The following FIG4 variants were observed in gnomAD, a reference collection of about 807,000 sequenced individuals.
FIG4 encodes polyphosphoinositide phosphatase.
Under a neutral mutation model 118.6 loss-of-function variants are expected in FIG4, and 112 were observed. That is an observed-to-expected ratio of 0.94 (90% CI 0.81 to 1.11). The LOEUF is 1.11. Ranked by LOEUF, FIG4 falls within the 50% of genes least tolerant of loss-of-function variation. The pLI is 0.00. For synonymous variants in FIG4, 369 were observed against 381.2 expected (o/e 0.97, Z 0.37); for missense variants, 969 against 1,111.7 (o/e 0.87, Z 1.83).
intron 19 of FIG4, among the ~76,000 whole-genome samples, chr6:109,790,311 A>C (rs1778102892): frequency 6.6e-6 from 1 of 152,200 alleles, no homozygotes; most frequent in Non-Finnish European, 1.5e-5. Context: ...TATTCTAGCT[A>C]TGTGTGATTT....
chr6:109,781,770 C>T (rs547606627), intron 16 of FIG4, among the ~76,000 whole-genome samples: 1 of 53,314 alleles, frequency 1.9e-5, no homozygotes, highest in South Asian at 4.1e-4. Context: ...TTTATAGTTT[C>T]TTCAGATTTA....
chr6:109,814,025 CA>C (rs1211654037), intron 22 of FIG4, among the ~76,000 whole-genome samples: 1 of 152,214 alleles, frequency 6.6e-6, no homozygotes, highest in African/African-American at 2.4e-5. Context: ...GAAACTGTGA[CA>C]TAATAAATGT....
At chr6:109,815,948 T>C (rs541895168) in intron 22 of FIG4, among the ~76,000 whole-genome samples, 1 of 152,294 alleles carries the variant, frequency 6.6e-6, no homozygotes, top group East Asian at 1.9e-4. Context: ...TTAATAATAC[T>C]AACAGATTAT....
chr6:109,711,730 G>C (rs1168694921), intron 1 of FIG4, among the ~76,000 whole-genome samples: 1 of 152,114 alleles, frequency 6.6e-6, no homozygotes, highest in Admixed American at 6.6e-5. Context: ...GTTTGCCACT[G>C]TGTGCCTTTT....
rs1775386908 is a variant in FIG4 at position 109,715,080 on chromosome 6, A to G, written c.69A>G (p.Arg23=). 1.3e-6 allele frequency: 2 copies of G among 1,546,202 alleles called. No homozygotes were observed. Among genetic ancestry groups the G allele is most frequent in the African/African-American group, 1.4e-5 (1 of 73,798 alleles). ...ATGACATTCCTTTTTATTTATAGAG[A>G]TACTTTCTAGTTGGGAGCAATAATG... ...QKLVLYETRA[R]YFLVGSNNAE... The change falls in exon 2 of 23, where the codon AGA becomes AGG. Residue 23 remains arginine, a splice_region_variant and synonymous_variant. Transcript: ENST00000230124.
At chr6:109,819,626 G>A (rs1245899527) in intron 22 of FIG4, among the ~76,000 whole-genome samples, 2 of 152,002 alleles carry the variant, frequency 1.3e-5, no homozygotes, top group South Asian at 2.1e-4. Flanking sequence ...CCGCCACCAC[G>A]AGCTGCTATT....
At chr6:109,758,388 G>A (rs1583692632) in intron 10 of FIG4, among the ~76,000 whole-genome samples, 1 of 151,678 alleles carries the variant, frequency 6.6e-6, no homozygotes. Flanking sequence ...ATGGTGCTGG[G>A]AAAACTGGCT....
chr6:109,760,647 C>CT (rs888293543), intron 11 of FIG4, among the ~76,000 whole-genome samples: 5 of 152,054 alleles, frequency 3.3e-5, no homozygotes, highest in Non-Finnish European at 5.9e-5. Context: ...ATTAGTTTTG[C>CT]TTTTTTCTAT....
At chr6:109,770,346 C>CGT (rs140928178) in intron 15 of FIG4, among the ~76,000 whole-genome samples, 1,999 of 151,274 alleles carry the variant, frequency 0.013, 21 homozygotes, top group Non-Finnish European at 0.023. Context: ...GCTGTATATA[C>CGT]GTGTGTGTGT....
intron 10 of FIG4, among the ~76,000 whole-genome samples, chr6:109,759,087 C>T (rs1777016900): frequency 6.6e-6 from 1 of 152,178 alleles, no homozygotes; most frequent in Non-Finnish European, 1.5e-5. Context: ...ACCCAGCAAT[C>T]CCATTACTGG....
At chr6:109,808,876 ATG>A (rs1285630937) in intron 22 of FIG4, among the ~76,000 whole-genome samples, 2 of 152,296 alleles carry the variant, frequency 1.3e-5, no homozygotes, top group Admixed American at 6.5e-5. Flanking sequence ...GTCTTAACAA[ATG>A]TGATTTTTTT....
At position 109,763,974 on chromosome 6, in the gene FIG4, C is replaced by T. The variant is rs201655264; in HGVS notation, c.1426C>T (p.Arg476Cys). Reference sequence around the variant, plus strand: ...AGGAGGATGTGTGATTCCCACTGGTCGCCTGCAGGTATACACAGTATTACA... The same window carrying T: ...AGGAGGATGTGTGATTCCCACTGGTTGCCTGCAGGTATACACAGTATTACA... The part of the protein sequence containing the change: ...ELGGCVIPTG[R>C]LQTGILRTNC... The change falls in exon 13 of 23, where the codon CGC (arginine) becomes TGC (cysteine). Residue 476 changes from arginine (R) to cysteine (C), a missense_variant. By Grantham distance (180) the Arg-to-Cys change is radical (BLOSUM62 -3). Around this residue, in one of 3 missense-constraint regions of FIG4, gnomAD observed 246 missense variants for 354.3 expected, o/e 0.69. Transcript: ENST00000230124. The T allele has an allele frequency of 9.4e-6, 15 of 1,604,244 alleles. No individual in the cohort carries two copies. Among genetic ancestry groups the T allele is most frequent in the Admixed American group, 6.7e-5 (4 of 60,006 alleles).
Position 109,766,756 on chromosome 6 carries a change from TG to T in FIG4, c.1613del (p.Gly538ValfsTer17). 6.2e-7 allele frequency: 1 copy of T among 1,614,038 alleles called. No homozygotes were observed. Among genetic ancestry groups the T allele is most frequent in the South Asian group, 1.1e-5 (1 of 91,090 alleles). ...RLFEELYEDHGDTLSLQYGGS... is the reference protein window; with the variant it reads ...RLFEELYEDHXDTLSLQYGGS... ...TATTTGAGGAACTCTATGAAGATCA[TG>T]GTGATACCCTATCCCTTCAGTATGG... On this transcript the variant is annotated frameshift_variant, in exon 15 of 23. Transcript: ENST00000230124. LOFTEE classifies it high-confidence loss of function.
intron 16 of FIG4, among the ~76,000 whole-genome samples, chr6:109,781,487 T>G (rs1220485887): frequency 2.0e-5 from 3 of 152,040 alleles, no homozygotes; most frequent in Non-Finnish European, 4.4e-5. Flanking sequence ...TTGGTCTGAT[T>G]TGTGCTAGCT....
chr6:109,729,897 A>G (rs1410543531), intron 4 of FIG4, among the ~76,000 whole-genome samples: 1 of 152,182 alleles, frequency 6.6e-6, no homozygotes, highest in Non-Finnish European at 1.5e-5. Context: ...GTACCTGCCA[A>G]TAAATATAAC....
intron 1 of FIG4, among the ~76,000 whole-genome samples, chr6:109,710,382 T>C (rs114864426): frequency 0.014 from 2,199 of 152,354 alleles, 54 homozygotes; most frequent in African/African-American, 0.051. Context: ...GATTTTTGCA[T>C]TGGTGTTCAC....
At chr6:109,823,533 A>G (rs1779071830) in intron 22 of FIG4, among the ~76,000 whole-genome samples, 1 of 152,232 alleles carries the variant, frequency 6.6e-6, no homozygotes, top group African/African-American at 2.4e-5. Flanking sequence ...ATTTAATTGT[A>G]GCACATCCTA....
At chr6:109,696,965 C>T (rs1774741367) in intron 1 of FIG4, among the ~76,000 whole-genome samples, 1 of 152,226 alleles carries the variant, frequency 6.6e-6, no homozygotes, top group East Asian at 1.9e-4. Context: ...TTGATCATTA[C>T]ACAGTGTACG....
In FIG4 at chr6:109,738,401, T is replaced by A; in HGVS notation, c.723T>A (p.Thr241=). 1.9e-6 allele frequency: 3 copies of A among 1,612,386 alleles called. No individual in the cohort carries two copies. The highest frequency in any genetic ancestry group is 2.5e-6 in the Non-Finnish European group (3 of 1,178,678). Residue 241 remains threonine, a synonymous_variant, in exon 7 of 23, where the codon ACT becomes ACA. Coordinates refer to ENST00000230124, the MANE Select transcript of FIG4 (RefSeq NM_014845.6). ...NGELLDIIKS[T]VHRDWLLYII... is the part of the protein sequence containing the mutation. Reference sequence around the variant, plus strand: ...AACTTCTGGATATAATTAAAAGTACTGTGCATCGTGACTGGCTTTTGTATA... The same window carrying A: ...AACTTCTGGATATAATTAAAAGTACAGTGCATCGTGACTGGCTTTTGTATA...
Sources: allele counts gnomAD v4.1 joint callset (sites outside exome capture counted in the v4.1 genomes callset), GRCh38; gene constraint gnomAD v4.1.1; regional missense constraint gnomAD v4.1.1; transcripts MANE v1.5; gene names NCBI Gene and HGNC (gene_info 2026-07-23, HGNC 2026-07-21).